MAN1A1: variants seen among roughly 807,000 people sequenced by gnomAD.
MAN1A1 encodes mannosyl-oligosaccharide 1,2-alpha-mannosidase IA.
MAN1A1 carries 29 observed loss-of-function variants against 70.8 expected under a neutral mutation model. The observed-to-expected ratio is 0.41, with a 90% CI of 0.31 to 0.56. MAN1A1 has a LOEUF of 0.56. MAN1A1 is among the 20% of genes least tolerant of loss of function. The probability of loss-of-function intolerance (pLI) is 0.29; values close to 1 mark genes in which losing one functional copy is unlikely to be tolerated. For missense variants in MAN1A1, 747 were observed against 841.3 expected (o/e 0.89, Z 1.39); for synonymous variants, 349 against 330.1 (o/e 1.06, Z -0.62).
At chr6:119,238,572 T>C (rs1774918720) in intron 6 of MAN1A1, among the ~76,000 whole-genome samples, 1 of 152,336 alleles carries the variant, frequency 6.6e-6, no homozygotes, top group African/African-American at 2.4e-5. Context: ...TGTTTATTAA[T>C]TTGTCACAAT....
intron 2 of MAN1A1, among the ~76,000 whole-genome samples, chr6:119,323,585 T>TA (rs1773075399): frequency 6.6e-6 from 1 of 152,182 alleles, no homozygotes; most frequent in Non-Finnish European, 1.5e-5. Context: ...CCAAGTAGGT[T>TA]AACAGAGTGG....
intron 6 of MAN1A1, among the ~76,000 whole-genome samples, chr6:119,247,568 A>C (rs188851818): frequency 1.3e-5 from 2 of 152,326 alleles, no homozygotes; most frequent in African/African-American, 4.8e-5. Context: ...TTATTAATGA[A>C]ATGCTTAAGT....
chr6:119,302,217 T>G, intron 3 of MAN1A1, 114 bp from the exon 4 acceptor site: 1 of 544,586 alleles, frequency 1.8e-6, no homozygotes, highest in Non-Finnish European at 3.3e-6. Context: ...TAAGCAATAA[T>G]ATTAAACATA....
intron 5 of MAN1A1, among the ~76,000 whole-genome samples, chr6:119,262,100 C>T (rs1004077909): frequency 2.0e-5 from 3 of 152,132 alleles, no homozygotes; most frequent in South Asian, 2.1e-4. Flanking sequence ...CACCAAACAC[C>T]GGCTGTCTAT....
At chr6:119,346,185 A>C (rs1773722891) in intron 2 of MAN1A1, among the ~76,000 whole-genome samples, 1 of 152,228 alleles carries the variant, frequency 6.6e-6, no homozygotes, top group South Asian at 2.1e-4. Context: ...AAATGTCCAC[A>C]GTGGTGCCTG....
At chr6:119,255,402 G>A (rs948107923) in intron 5 of MAN1A1, among the ~76,000 whole-genome samples, 6 of 152,148 alleles carry the variant, frequency 3.9e-5, no homozygotes, top group Non-Finnish European at 8.8e-5. Flanking sequence ...ATCTTTGGCT[G>A]CAAATAACTA....
At position 119,348,920 on chromosome 6, in the gene MAN1A1, C is replaced by A; in HGVS notation, c.146G>T (p.Ser49Ile). The change falls in exon 2 of 13, where the codon AGC (serine) becomes ATC (isoleucine). Residue 49 changes from serine (S) to isoleucine (I), a missense_variant. Ser to Ile is a moderately radical substitution (Grantham distance 142). This residue lies in a region of MAN1A1 where 328 missense variants were observed against 293.1 expected (regional missense o/e 1.12). Transcript: ENST00000368468. ...TEKFVLLLVFSAFITLCFGAI... is the reference protein window; with the variant it reads ...TEKFVLLLVFIAFITLCFGAI... ...CCCGAAGCAGAGCGTGATGAAGGCGCTGAATACCAGCAGCAGCACGAACTT... is the reference window on the plus strand; with the variant it reads ...CCCGAAGCAGAGCGTGATGAAGGCGATGAATACCAGCAGCAGCACGAACTT... The A allele has an allele frequency of 6.5e-7, 1 of 1,534,310 alleles. No individual in the cohort carries two copies. The highest frequency in any genetic ancestry group is 8.8e-7 in the Non-Finnish European group (1 of 1,140,958).
At chr6:119,339,814 C>T (rs1021513253) in intron 2 of MAN1A1, among the ~76,000 whole-genome samples, 10 of 152,214 alleles carry the variant, frequency 6.6e-5, no homozygotes, top group South Asian at 2.1e-4. Context: ...TAAATGGACA[C>T]GCATGGTGGC....
intron 3 of MAN1A1, among the ~76,000 whole-genome samples, chr6:119,304,005 G>A (rs995809867): frequency 1.3e-5 from 2 of 152,192 alleles, no homozygotes; most frequent in African/African-American, 2.4e-5. Context: ...GGAGCACAAT[G>A]AATTGCTGCT....
chr6:119,314,360 G>T (rs571400007), intron 2 of MAN1A1, among the ~76,000 whole-genome samples: 1 of 152,170 alleles, frequency 6.6e-6, no homozygotes. Flanking sequence ...AGGAGCTGTC[G>T]TCATCATGGG....
chr6:119,184,441 C>T (rs866667354), intron 11 of MAN1A1, among the ~76,000 whole-genome samples: 1 of 152,088 alleles, frequency 6.6e-6, no homozygotes, highest in Admixed American at 6.5e-5. Flanking sequence ...TATTCTCTTG[C>T]CTACCAGATA....
rs934762497 is a variant in MAN1A1, at chr6:119,308,751, G to T, written c.604-1759C>A. Among the ~76,000 whole-genome samples, 7 of 152,126 alleles carry T rather than the reference G, an allele frequency of 4.6e-5. No homozygotes were observed. In the East Asian group the frequency reaches 7.7e-4, roughly 17 times the overall value. ...TAGAGATTATATTTGATTTTATTTG[G>T]TTTTTCCATTAAATGTACTACATTT... On this transcript the variant is annotated intron_variant, in intron 2 of 12. Transcript: ENST00000368468.
At chr6:119,236,665 G>A (rs1054247520) in intron 6 of MAN1A1, among the ~76,000 whole-genome samples, 1 of 141,824 alleles carries the variant, frequency 7.1e-6, no homozygotes, top group African/African-American at 2.7e-5. Context: ...TCAAGATCGT[G>A]ACACTGCACT....
At chr6:119,213,741 C>T (rs1168814011) in intron 6 of MAN1A1, among the ~76,000 whole-genome samples, 5 of 152,190 alleles carry the variant, frequency 3.3e-5, no homozygotes, top group Admixed American at 3.3e-4. Context: ...CATTTTATAA[C>T]TGCTGCATTT....
chr6:119,264,658 G>T (rs965789575), intron 5 of MAN1A1, among the ~76,000 whole-genome samples: 14 of 152,170 alleles, frequency 9.2e-5, no homozygotes, highest in African/African-American at 3.1e-4. Context: ...AGAATGAAAA[G>T]ATATGGTCAA....
chr6:119,197,353 G>C (rs987226255), intron 8 of MAN1A1, among the ~76,000 whole-genome samples: 36 of 150,852 alleles, frequency 2.4e-4, no homozygotes, highest in African/African-American at 8.5e-4. Context: ...ATCAGATACA[G>C]AGCACATATG....
chr6:119,339,158 T>G (rs1773539963), intron 2 of MAN1A1, among the ~76,000 whole-genome samples: 1 of 152,172 alleles, frequency 6.6e-6, no homozygotes, highest in South Asian at 2.1e-4. Flanking sequence ...TCACAAAGAA[T>G]CAACAGACTC....
In MAN1A1 at chr6:119,201,293, G is replaced by A. The variant is rs753638106; in HGVS notation, c.1171C>T (p.Pro391Ser). 4 of 1,613,546 alleles carry A rather than the reference G, an allele frequency of 2.5e-6. No homozygotes were observed. In the Admixed American group the frequency reaches 6.7e-5, roughly 27 times the overall value. Reference sequence around the variant, plus strand: ...CCACTACTGGGATTCAGATAGTTAGGATAAAGGCCTTGTGGTTTTTCCAGT... The same window carrying A: ...CCACTACTGGGATTCAGATAGTTAGAATAAAGGCCTTGTGGTTTTTCCAGT... ...NKLEKPQGLY[P>S]NYLNPSSGQW... Residue 391 changes from proline (P) to serine (S), a missense_variant, in exon 8 of 13, where the codon CCT becomes TCT. Around this residue, in one of 2 missense-constraint regions of MAN1A1, gnomAD observed 419 missense variants for 548.2 expected, o/e 0.76. Transcript: ENST00000368468.
chr6:119,331,580 T>G (rs11967528), intron 2 of MAN1A1, among the ~76,000 whole-genome samples: 1 of 144,206 alleles, frequency 6.9e-6, no homozygotes, highest in African/African-American at 2.6e-5. Flanking sequence ...CATATATATA[T>G]ATATATATAT....
Sources: allele counts gnomAD v4.1 joint callset (sites outside exome capture counted in the v4.1 genomes callset), GRCh38; gene constraint gnomAD v4.1.1; regional missense constraint gnomAD v4.1.1; transcripts MANE v1.5; gene names NCBI Gene and HGNC (gene_info 2026-07-23, HGNC 2026-07-21).